The following MRPS9 variants were observed in gnomAD, a reference collection of about 807,000 sequenced individuals.
MRPS9 encodes the protein mitochondrial ribosomal protein S9.
A neutral mutation model predicts 59.9 loss-of-function variants in MRPS9; 45 were observed. The ratio of observed to expected loss-of-function variants is 0.75; its 90% CI spans 0.59 to 0.96. The LOEUF (loss-of-function observed/expected upper bound fraction) is 0.96, where lower values mean the gene tolerates loss of function less well. Among genes scored for constraint, MRPS9 ranks in the 40% least tolerant of loss-of-function variants. The pLI is 0.00. For missense variants in MRPS9, 473 were observed against 481.1 expected, an observed-to-expected ratio of 0.98 and a Z score of 0.16; for synonymous variants, 171 against 166.8, an observed-to-expected ratio of 1.03 and a Z score of -0.19.
chr2:105,098,175 A>G (rs1387423578), intron 10 of MRPS9: 1 of 152,254 alleles, frequency 6.6e-6, no homozygotes, highest in African/African-American at 2.4e-5. Flanking sequence ...GTAATGTGAA[A>G]AAGGATGGGC....
At chr2:105,048,637 C>T (rs2104440789) in intron 1 of MRPS9, among the ~76,000 whole-genome samples, 1 of 152,004 alleles carries the variant, frequency 6.6e-6, no homozygotes, top group South Asian at 2.1e-4. Context: ...ATATAAGGAC[C>T]ATGGAATAAA....
At chr2:105,080,935 C>T (rs769414554) in intron 5 of MRPS9, among the ~76,000 whole-genome samples, 2 of 151,646 alleles carry the variant, frequency 1.3e-5, no homozygotes, top group African/African-American at 2.4e-5. Flanking sequence ...ACCTTCTTTT[C>T]GCTTTTTGTT....
At chr2:105,097,908 C>T (rs563541643) in intron 10 of MRPS9, among the ~76,000 whole-genome samples, 1 of 152,238 alleles carries the variant, frequency 6.6e-6, no homozygotes. Flanking sequence ...CTATGTTGCC[C>T]AGGCTGTTCT....
chr2:105,071,489 G>GCAATCCA lies in MRPS9; in HGVS notation c.409_409+1insCAATCCA (p.Gln139HisfsTer28). ...TGAACAGATTTTTCCAAGACAAAGA[G>GCAATCCA]GTAAGTTTGTTCAAGAATGAGAGAA... On this transcript the variant is annotated frameshift_variant and splice_region_variant. Coordinates refer to ENST00000258455, the MANE Select transcript of MRPS9 (RefSeq NM_182640.3). LOFTEE classifies it high-confidence loss of function. 1.2e-6 allele frequency: 2 copies of GCAATCCA among 1,603,118 alleles called. No individual in the cohort carries two copies. The highest frequency in any genetic ancestry group is 1.7e-6 in the Non-Finnish European group (2 of 1,173,296).
chr2:105,097,130 C>G, intron 9 of MRPS9, 25 bp from the exon 10 acceptor site: 1 of 1,445,724 alleles, frequency 6.9e-7, no homozygotes, highest in Non-Finnish European at 9.2e-7. Context: ...TAAACGTAAC[C>G]ACATTTACTT....
intron 4 of MRPS9, among the ~76,000 whole-genome samples, chr2:105,075,088 C>T (rs1680182306): frequency 1.3e-5 from 2 of 152,180 alleles, no homozygotes; most frequent in Non-Finnish European, 2.9e-5. Context: ...CTTAGATTCT[C>T]ATAAGGAGCA....
At chr2:105,050,384 C>T (rs1458284578) in intron 2 of MRPS9, among the ~76,000 whole-genome samples, 1 of 152,186 alleles carries the variant, frequency 6.6e-6, no homozygotes, top group Non-Finnish European at 1.5e-5. Flanking sequence ...TGGCGATCCA[C>T]CCATCTCAGC....
intron 5 of MRPS9, among the ~76,000 whole-genome samples, chr2:105,085,473 A>T (rs1179297628): frequency 6.6e-6 from 1 of 152,156 alleles, no homozygotes; most frequent in Non-Finnish European, 1.5e-5. Flanking sequence ...TCCCCATGAA[A>T]TGTTACTTGT....
chr2:105,053,624 C>T (rs1004271585), intron 2 of MRPS9, among the ~76,000 whole-genome samples: 1 of 152,122 alleles, frequency 6.6e-6, no homozygotes, highest in Non-Finnish European at 1.5e-5. Context: ...GATCCTGTAG[C>T]TTAGTGAATA....
chr2:105,086,581 C>A (rs1171397906), intron 5 of MRPS9, among the ~76,000 whole-genome samples: 1 of 152,002 alleles, frequency 6.6e-6, no homozygotes, highest in Non-Finnish European at 1.5e-5. Flanking sequence ...TTAAGTAAAC[C>A]CTTGTAAGCG....
chr2:105,067,065 C>T (rs559175657), intron 2 of MRPS9, among the ~76,000 whole-genome samples: 3 of 152,186 alleles, frequency 2.0e-5, no homozygotes, highest in East Asian at 3.9e-4. Context: ...TTTTATTGAT[C>T]CACTGAAAAC....
At chr2:105,079,329 C>T (rs1357889135) in intron 4 of MRPS9, among the ~76,000 whole-genome samples, 6 of 151,928 alleles carry the variant, frequency 3.9e-5, no homozygotes, top group South Asian at 2.1e-4. Flanking sequence ...AGATAGTATG[C>T]GCAAAGGACA....
At chr2:105,061,177 T>C (rs1023537242) in intron 2 of MRPS9, among the ~76,000 whole-genome samples, 2 of 149,762 alleles carry the variant, frequency 1.3e-5, no homozygotes, top group African/African-American at 2.5e-5. Context: ...AATGCCTTTC[T>C]ACTGAAATAA....
intron 1 of MRPS9, 36 bp from the exon 2 acceptor site, chr2:105,049,135 T>C (rs758739295): frequency 7.3e-7 from 1 of 1,368,176 alleles, no homozygotes; most frequent in East Asian, 2.3e-5. Flanking sequence ...ACAGTTTAAT[T>C]TATTTTCTTT....
At chr2:105,084,247 A>ATATATAT (rs1680403807) in intron 5 of MRPS9, among the ~76,000 whole-genome samples, 1 of 139,594 alleles carries the variant, frequency 7.2e-6, no homozygotes, top group African/African-American at 2.6e-5. Context: ...TATATACCAA[A>ATATATAT]ATATATATAT....
intron 5 of MRPS9, among the ~76,000 whole-genome samples, chr2:105,086,246 G>A (rs1680442174): frequency 6.6e-6 from 1 of 152,054 alleles, no homozygotes; most frequent in Non-Finnish European, 1.5e-5. Context: ...GTGATTTGAT[G>A]GGTTACAATC....
intron 9 of MRPS9, among the ~76,000 whole-genome samples, chr2:105,093,907 C>T (rs549679437): frequency 5.3e-5 from 8 of 152,260 alleles, no homozygotes; most frequent in Admixed American, 1.3e-4. Context: ...TTAGATGTAG[C>T]TTATGTTCTG....
At chr2:105,095,418 A>G (rs1680637336) in intron 9 of MRPS9, among the ~76,000 whole-genome samples, 1 of 152,162 alleles carries the variant, frequency 6.6e-6, no homozygotes, top group Admixed American at 6.5e-5. Flanking sequence ...ATTACTGGAT[A>G]TATAACTGAG....
intron 2 of MRPS9, among the ~76,000 whole-genome samples, chr2:105,069,135 G>A (rs1237106316): frequency 4.0e-5 from 6 of 151,058 alleles, no homozygotes; most frequent in African/African-American, 1.5e-4. Context: ...GATAAAATGT[G>A]TTCTCTCAGT....
Sources: gnomAD v4.1 joint callset for allele counts (sites outside exome capture counted in the v4.1 genomes callset) on GRCh38, gnomAD v4.1.1 for gene constraint, MANE v1.5 for transcripts, NCBI Gene and HGNC (gene_info 2026-07-23, HGNC 2026-07-21) for gene names.